SEH1L: variants seen among roughly 807,000 people sequenced by gnomAD.
The protein encoded by SEH1L is nucleoporin SEH1.
Under a neutral mutation model 49.5 loss-of-function variants are expected in SEH1L, and 18 were observed. The observed-to-expected ratio is 0.36, with a 90% confidence interval of 0.25 to 0.54. The LOEUF is 0.54. Ranked by LOEUF, SEH1L falls within the 20% of genes least tolerant of loss-of-function variation. The pLI is 0.87. For synonymous variants in SEH1L, 169 were observed against 178.1 expected (o/e 0.95, Z 0.41); for missense variants, 404 against 528.8 (o/e 0.76, Z 2.31).
intron 4 of SEH1L, among the ~76,000 whole-genome samples, chr18:12,966,453 C>T (rs1235142475): frequency 6.6e-6 from 1 of 152,136 alleles, no homozygotes; most frequent in East Asian, 1.9e-4. Context: ...CTATGTCACC[C>T]AGGCTGGAGT....
intron 7 of SEH1L, chr18:12,983,118 T>C (rs1460019665): frequency 6.5e-6 from 1 of 153,210 alleles, no homozygotes; most frequent in African/African-American, 2.4e-5. Context: ...GCCCTGATTG[T>C]AAGTTTCTTC....
intron 8 of SEH1L, chr18:12,986,443 T>C: frequency 1.0e-6 from 1 of 986,244 alleles, no homozygotes; most frequent in Non-Finnish European, 1.2e-6. Flanking sequence ...AAAAAAAATG[T>C]GTGCTTGCTG....
intron 4 of SEH1L, among the ~76,000 whole-genome samples, chr18:12,970,596 T>A (rs2031657120): frequency 6.8e-6 from 1 of 147,214 alleles, no homozygotes; most frequent in East Asian, 1.9e-4. Flanking sequence ...ATTAAACAAA[T>A]TTTTTTTTTG....
At chr18:12,956,455 A>G (rs1242386739) in intron 3 of SEH1L, among the ~76,000 whole-genome samples, 1 of 19,200 alleles carries the variant, frequency 5.2e-5, no homozygotes, top group Non-Finnish European at 9.2e-5. Flanking sequence ...CTGGGGAATC[A>G]AAAAAAAAAA....
Position 12,962,459 on chromosome 18 carries a change from C to CTTTTTT in SEH1L, c.310-680_310-675dup, listed in dbSNP as rs3070220. Among the ~76,000 whole-genome samples, 447 of 63,654 alleles carry CTTTTTT rather than the reference C, an allele frequency of 7.0e-3. 94 individuals are homozygous for CTTTTTT. The highest frequency in any genetic ancestry group is 0.011 in the African/African-American group (161 of 14,872). The allele number at this position is 63,654 out of a possible 152,430, so 41.8% of individuals were successfully genotyped here. ...TTGAGAGAAGAAATTGCATGCCTTT[C>CTTTTTT]TTTTTTTTTTTTTTTTTTTTTTTTT... is the stretch of plus-strand genomic sequence containing the variant. On this transcript the variant is annotated intron_variant, in intron 3 of 8. Transcript: ENST00000399892.
chr18:12,971,710 A>G (rs1002354100), intron 5 of SEH1L: 1 of 153,838 alleles, frequency 6.5e-6, no homozygotes, highest in Non-Finnish European at 1.4e-5. Flanking sequence ...AAATAATAGT[A>G]AAAAAGGGTG....
At chr18:12,953,629 C>A (rs1348211479) in intron 2 of SEH1L, among the ~76,000 whole-genome samples, 1 of 152,090 alleles carries the variant, frequency 6.6e-6, no homozygotes, top group Non-Finnish European at 1.5e-5. Flanking sequence ...ATTCATGTAT[C>A]TTCTTTTGTG....
At chr18:12,974,464 G>A (rs2031833589) in intron 5 of SEH1L, 1 of 152,076 alleles carries the variant, frequency 6.6e-6, no homozygotes, top group Non-Finnish European at 1.5e-5. Context: ...ATTTTTAGTA[G>A]AGATGGGGTT....
intron 3 of SEH1L, among the ~76,000 whole-genome samples, chr18:12,957,626 A>C (rs2030950263): frequency 1.3e-5 from 2 of 152,218 alleles, no homozygotes; most frequent in African/African-American, 4.8e-5. Context: ...TATCATCTGC[A>C]TGCTTTTTTT....
At chr18:12,984,448 A>AT (rs2032390831) in intron 8 of SEH1L, among the ~76,000 whole-genome samples, 1 of 152,244 alleles carries the variant, frequency 6.6e-6, no homozygotes, top group African/African-American at 2.4e-5. Context: ...CAGGTTTAAG[A>AT]TTCAACTTTG....
chr18:12,973,950 A>G (rs1036738347), intron 5 of SEH1L: 1 of 152,206 alleles, frequency 6.6e-6, no homozygotes, highest in African/African-American at 2.4e-5. Flanking sequence ...CACCTTTCCT[A>G]GAAGTATCTT....
At chr18:12,962,229 T>A (rs2031210554) in intron 3 of SEH1L, among the ~76,000 whole-genome samples, 1 of 150,832 alleles carries the variant, frequency 6.6e-6, no homozygotes, top group Non-Finnish European at 1.5e-5. Context: ...GACCCCCCCA[T>A]CTCTATAAAA....
At chr18:12,966,756 T>G (rs921028640) in intron 4 of SEH1L, among the ~76,000 whole-genome samples, 2 of 152,200 alleles carry the variant, frequency 1.3e-5, no homozygotes, top group Admixed American at 1.3e-4. Flanking sequence ...TGTCTCAAAT[T>G]GGGGATATCT....
intron 6 of SEH1L, among the ~76,000 whole-genome samples, chr18:12,980,057 AC>A (rs2032125486): frequency 1.0e-5 from 1 of 97,904 alleles, no homozygotes; most frequent in African/African-American, 4.1e-5. Context: ...TCCCTCCTGG[AC>A]GGGGCGGCTG....
intron 1 of SEH1L, 99 bp downstream of exon 1, chr18:12,948,331 C>T (rs1368262179): frequency 1.1e-5 from 9 of 851,652 alleles, no homozygotes; most frequent in South Asian, 4.5e-5. Context: ...TCAGTGACGC[C>T]GCTGGAAGCT....
chr18:12,961,258 A>G (rs1397021884), intron 3 of SEH1L, among the ~76,000 whole-genome samples: 4 of 152,196 alleles, frequency 2.6e-5, no homozygotes, highest in African/African-American at 4.8e-5. Context: ...CTTAGTGCAC[A>G]TGCTTGAGCC....
chr18:12,953,466 C>T (rs1378500196), intron 2 of SEH1L, among the ~76,000 whole-genome samples: 3 of 152,166 alleles, frequency 2.0e-5, no homozygotes, highest in Non-Finnish European at 4.4e-5. Context: ...TGTGAGGTTC[C>T]AGTTTCTCTA....
intron 6 of SEH1L, among the ~76,000 whole-genome samples, chr18:12,981,076 C>T (rs1168771505): frequency 1.3e-5 from 2 of 151,508 alleles, no homozygotes; most frequent in African/African-American, 4.9e-5. Flanking sequence ...GGGCGGTTGC[C>T]AGGCAGAGGG....
At chr18:12,980,760 T>A (rs2032199949) in intron 6 of SEH1L, among the ~76,000 whole-genome samples, 2 of 12,510 alleles carry the variant, frequency 1.6e-4, no homozygotes, top group African/African-American at 1.0e-3. Context: ...CACTTCCCAG[T>A]AGGGGCGGCC....
Sources: gnomAD v4.1 joint callset for allele counts (sites outside exome capture counted in the v4.1 genomes callset) on GRCh38, gnomAD v4.1.1 for gene constraint, MANE v1.5 for transcripts, NCBI Gene and HGNC (gene_info 2026-07-23, HGNC 2026-07-21) for gene names.